Variants in MPPED1 observed in about 807,000 individuals in gnomAD.
The protein encoded by MPPED1 is metallophosphoesterase domain-containing protein 1.
A neutral mutation model predicts 36.2 loss-of-function variants in MPPED1; 16 were observed. The ratio of observed to expected loss-of-function variants is 0.44; its 90% CI spans 0.30 to 0.67. The LOEUF (loss-of-function observed/expected upper bound fraction) is 0.67. MPPED1 is among the 30% of genes least tolerant of loss of function. The probability of loss-of-function intolerance (pLI) is 0.10; values close to 1 mark genes in which losing one functional copy is unlikely to be tolerated. For synonymous variants in MPPED1, 199 were observed against 191.3 expected, an observed-to-expected ratio of 1.04 and a Z score of -0.33; for missense variants, 307 against 453.4, an observed-to-expected ratio of 0.68 and a Z score of 2.93.
chr22:43,418,106 G>C (rs1026063576), intron 1 of MPPED1: 9 of 456,216 alleles, frequency 2.0e-5, no homozygotes, highest in South Asian at 3.1e-5. Flanking sequence ...ATGAATGGAA[G>C]AGAAACACAG....
chr22:43,484,021 G>A (rs950047379), intron 4 of MPPED1, among the ~76,000 whole-genome samples: 3 of 152,208 alleles, frequency 2.0e-5, no homozygotes, highest in Admixed American at 6.5e-5. Flanking sequence ...TTAAGTGGCC[G>A]AGGCCTCCCT....
intron 6 of MPPED1, among the ~76,000 whole-genome samples, chr22:43,504,519 T>G (rs115445943): frequency 0.013 from 1,930 of 146,994 alleles, 31 homozygotes; most frequent in East Asian, 0.072. Flanking sequence ...TGAATGGTAA[T>G]TATAAGGGTG....
intron 3 of MPPED1, among the ~76,000 whole-genome samples, chr22:43,461,661 T>C (rs1930961586): frequency 6.6e-6 from 1 of 152,208 alleles, no homozygotes; most frequent in African/African-American, 2.4e-5. Context: ...AAGAGAGATA[T>C]TGTAAAGACT....
intron 3 of MPPED1, among the ~76,000 whole-genome samples, chr22:43,460,188 AGAGT>A (rs888154857): frequency 1.3e-5 from 2 of 150,578 alleles, no homozygotes; most frequent in African/African-American, 4.9e-5. Flanking sequence ...GCCTGGCGAC[AGAGT>A]GAGACTCCAT....
chr22:43,459,199 C>T (rs1930859321), intron 3 of MPPED1, among the ~76,000 whole-genome samples: 1 of 152,128 alleles, frequency 6.6e-6, no homozygotes, highest in East Asian at 1.9e-4. Context: ...CTCAGCCTCC[C>T]AAGTAGCTGG....
intron 3 of MPPED1, among the ~76,000 whole-genome samples, chr22:43,468,217 G>T (rs1767766936): frequency 6.6e-6 from 1 of 152,198 alleles, no homozygotes; most frequent in African/African-American, 2.4e-5. Flanking sequence ...ATCTGGCTGG[G>T]AAAAAAGGAG....
chr22:43,459,891 GTGTGTT>G (rs1470395985), intron 3 of MPPED1, among the ~76,000 whole-genome samples: 2 of 151,814 alleles, frequency 1.3e-5, no homozygotes, highest in African/African-American at 4.8e-5. Context: ...CTGTTTCTTT[GTGTGTT>G]TCATTTAAAA....
At chr22:43,430,068 T>C (rs1458413371) in intron 2 of MPPED1, among the ~76,000 whole-genome samples, 2 of 152,164 alleles carry the variant, frequency 1.3e-5, no homozygotes, top group African/African-American at 4.8e-5. Context: ...AGGCCTCAGT[T>C]TCCCCATTTG....
chr22:43,504,509 T>A (rs1932774087), intron 6 of MPPED1, among the ~76,000 whole-genome samples: 1 of 150,682 alleles, frequency 6.6e-6, no homozygotes, highest in Admixed American at 6.6e-5. Flanking sequence ...GTGGTGGTGA[T>A]GAATGGTAAT....
At chr22:43,495,847 G>C (rs1238012028) in intron 4 of MPPED1, among the ~76,000 whole-genome samples, 126 of 41,130 alleles carry the variant, frequency 3.1e-3, no homozygotes, top group East Asian at 0.015. Flanking sequence ...TGGTGGTGGA[G>C]ATGGTGGTGG....
chr22:43,466,792 C>G (rs146459318), intron 3 of MPPED1, among the ~76,000 whole-genome samples: 193 of 152,312 alleles, frequency 1.3e-3, no homozygotes, highest in African/African-American at 4.4e-3. Context: ...TCCTAAGTCT[C>G]TTTCCCTTGC....
intron 3 of MPPED1, among the ~76,000 whole-genome samples, chr22:43,457,458 T>C (rs747001295): frequency 1.2e-4 from 18 of 152,142 alleles, no homozygotes; most frequent in African/African-American, 2.7e-4. Flanking sequence ...AAATTAAAAA[T>C]TTTAATCTCT....
chr22:43,475,736 TGTGGTG>T (rs200868199), intron 4 of MPPED1, among the ~76,000 whole-genome samples: 43 of 108,248 alleles, frequency 4.0e-4, no homozygotes, highest in African/African-American at 1.0e-3. Context: ...TGATGATGGT[TGTGGTG>T]GTGGTGGTGG....
intron 4 of MPPED1, among the ~76,000 whole-genome samples, chr22:43,478,214 T>A (rs1931637997): frequency 6.6e-6 from 1 of 152,192 alleles, no homozygotes; most frequent in African/African-American, 2.4e-5. Context: ...GTATCCCGTG[T>A]GGCAGGCCTC....
intron 1 of MPPED1, among the ~76,000 whole-genome samples, chr22:43,419,913 GAA>G (rs1157926533): frequency 6.6e-6 from 1 of 152,084 alleles, no homozygotes; most frequent in Non-Finnish European, 1.5e-5. Context: ...AGTACCCAAG[GAA>G]CAACAAATAA....
intron 3 of MPPED1, among the ~76,000 whole-genome samples, chr22:43,458,740 T>G (rs2070799703): frequency 6.6e-6 from 1 of 152,184 alleles, no homozygotes; most frequent in African/African-American, 2.4e-5. Context: ...CAGATTCAGT[T>G]TGTTTCTGTT....
rs865833588 is a variant in MPPED1, at chr22:43,431,235, G to T, written c.225-3799G>T. Among the ~76,000 whole-genome samples the T allele has an allele frequency of 5.9e-5, 9 of 151,746 alleles. 1 individual carries two copies. Among genetic ancestry groups the T allele is most frequent in the Middle Eastern group, 6.8e-3 (2 of 294 alleles). ...TTTTTATATTTTTAGTAGAGACGAC[G>T]TTTCACCATGTTGGCCAGGCTGGTC... On this transcript the variant is annotated intron_variant, in intron 2 of 6. Coordinates refer to ENST00000443721, the MANE Select transcript of MPPED1 (RefSeq NM_001044370.2).
At chr22:43,446,125 C>T (rs1274028629) in intron 3 of MPPED1, among the ~76,000 whole-genome samples, 4 of 152,170 alleles carry the variant, frequency 2.6e-5, no homozygotes, top group Non-Finnish European at 5.9e-5. Flanking sequence ...CCTGCCTTGG[C>T]CTCCCAAAGT....
intron 3 of MPPED1, among the ~76,000 whole-genome samples, chr22:43,455,115 C>CTTTCTTTTTTT (rs1930707102): frequency 8.1e-6 from 1 of 122,768 alleles, no homozygotes; most frequent in African/African-American, 3.3e-5. Context: ...CCTTCATGTC[C>CTTTCTTTTTTT]TTTTTTTTTT....
Sources: allele counts gnomAD v4.1 joint callset (sites outside exome capture counted in the v4.1 genomes callset), GRCh38; gene constraint gnomAD v4.1.1; transcripts MANE v1.5; gene names NCBI Gene and HGNC (gene_info 2026-07-23, HGNC 2026-07-21).